SPIRE1: variants seen among roughly 807,000 people sequenced by gnomAD.
The protein encoded by SPIRE1 is spire type actin nucleation factor 1.
SPIRE1 carries 40 observed loss-of-function variants against 94.1 expected under a neutral mutation model. The ratio of observed to expected loss-of-function variants is 0.43; its 90% CI spans 0.33 to 0.55. The LOEUF (loss-of-function observed/expected upper bound fraction) is 0.55. Ranked by LOEUF, SPIRE1 falls within the 20% of genes least tolerant of loss-of-function variation. The pLI, the probability that SPIRE1 is intolerant of heterozygous loss-of-function variation, is 0.06. For missense variants in SPIRE1, 838 were observed against 975.2 expected (o/e 0.86, Z 1.87); for synonymous variants, 376 against 371.7 (o/e 1.01, Z -0.13).
intron 4 of SPIRE1, among the ~76,000 whole-genome samples, chr18:12,529,000 T>C (rs2034605150): frequency 6.6e-6 from 1 of 152,150 alleles, no homozygotes; most frequent in Non-Finnish European, 1.5e-5. Context: ...CATCAATGAA[T>C]AAGAAAAGAG....
At chr18:12,545,358 T>C (rs1028570028) in intron 3 of SPIRE1, among the ~76,000 whole-genome samples, 13 of 152,180 alleles carry the variant, frequency 8.5e-5, no homozygotes, top group African/African-American at 3.1e-4. Context: ...GTATAGTTCT[T>C]TCCAGAGTCC....
intron 6 of SPIRE1, among the ~76,000 whole-genome samples, chr18:12,505,305 G>C (rs1431589675): frequency 6.6e-6 from 1 of 152,158 alleles, no homozygotes; most frequent in Non-Finnish European, 1.5e-5. Context: ...AGCACTTTGG[G>C]AGGCGGAGGC....
chr18:12,609,844 C>A (rs1213741461), intron 2 of SPIRE1, among the ~76,000 whole-genome samples: 1 of 151,792 alleles, frequency 6.6e-6, no homozygotes, highest in African/African-American at 2.4e-5. Flanking sequence ...CTCCCCACCT[C>A]TTGAGAGGCT....
intron 4 of SPIRE1, among the ~76,000 whole-genome samples, chr18:12,533,907 T>C (rs1423418713): frequency 6.7e-6 from 1 of 150,242 alleles, no homozygotes; most frequent in Non-Finnish European, 1.5e-5. Flanking sequence ...CCTCTGGTTC[T>C]GCTCAATGAG....
intron 2 of SPIRE1, among the ~76,000 whole-genome samples, chr18:12,592,553 C>T (rs373350956): frequency 3.7e-4 from 56 of 152,272 alleles, no homozygotes; most frequent in African/African-American, 1.0e-3. Context: ...ACAGCTCACC[C>T]GTGGTAAACT....
At chr18:12,647,230 T>G (rs1313443585) in intron 1 of SPIRE1, among the ~76,000 whole-genome samples, 1 of 152,182 alleles carries the variant, frequency 6.6e-6, no homozygotes. Context: ...TACAATCACT[T>G]TGGAAAATTT....
At chr18:12,505,777 G>A (rs776242827) in intron 6 of SPIRE1, among the ~76,000 whole-genome samples, 10 of 152,034 alleles carry the variant, frequency 6.6e-5, no homozygotes, top group Admixed American at 2.0e-4. Flanking sequence ...AATAAACTCC[G>A]GAATAGCCAT....
intron 10 of SPIRE1, among the ~76,000 whole-genome samples, chr18:12,476,618 CACACATATATAT>C (rs2032611080): frequency 1.5e-5 from 2 of 132,070 alleles, no homozygotes; most frequent in Admixed American, 1.6e-4. Flanking sequence ...CATATATACA[CACACATATATAT>C]ACACATATAT....
intron 10 of SPIRE1, among the ~76,000 whole-genome samples, chr18:12,475,369 G>A (rs370212698): frequency 3.3e-5 from 5 of 152,106 alleles, no homozygotes; most frequent in Non-Finnish European, 5.9e-5. Context: ...CTAAGCACTT[G>A]GAATGATTCT....
intron 5 of SPIRE1, among the ~76,000 whole-genome samples, chr18:12,509,848 C>G (rs748812287): frequency 6.6e-5 from 10 of 151,996 alleles, no homozygotes; most frequent in Non-Finnish European, 1.2e-4. Flanking sequence ...TTTGGGAGGC[C>G]AAGGCGGGCG....
At chr18:12,634,470 C>T (rs1457216921) in intron 2 of SPIRE1, among the ~76,000 whole-genome samples, 1 of 151,758 alleles carries the variant, frequency 6.6e-6, no homozygotes, top group Non-Finnish European at 1.5e-5. Context: ...TTACTAAGAG[C>T]TCTGGATCTT....
chr18:12,474,260 C>G lies in SPIRE1; in HGVS notation c.1404+5439G>C, dbSNP rs1482293330. 5.3e-5 allele frequency among the ~76,000 whole-genome samples: 8 copies of G among 152,292 alleles called. No individual in the cohort carries two copies. In the East Asian group the frequency reaches 1.3e-3, roughly 26 times the overall value. ...TGTGGGCTTCATTACAGAGAGTGGA[C>G]AAAGAGGCTCATGCAAGGGGCAGCA... On this transcript the variant is annotated intron_variant, in intron 10 of 16. Transcript: ENST00000409402.
At position 12,447,944 on chromosome 18, in the gene SPIRE1, A is replaced by C. The variant is rs2031025676; in HGVS notation, c.*1694T>G. On this transcript the variant is annotated 3_prime_UTR_variant, in exon 17 of 17. Transcript: ENST00000409402. ...TCCCACCTAACTGTCTGGAGTATAG[A>C]GTTCAGATAGTCTCTTAGGAAGTTT... is the stretch of plus-strand genomic sequence containing the variant. 6.6e-6 allele frequency: 1 copy of C among 152,170 alleles called. No individual in the cohort carries two copies. Among genetic ancestry groups the C allele is most frequent in the Admixed American group, 6.6e-5 (1 of 15,262 alleles). The allele number at this position is 152,170 out of a possible 1,614,324, so 9.4% of individuals were successfully genotyped here.
rs1598545163 is a variant in SPIRE1 at position 12,621,850 on chromosome 18, A to T, written c.372+13212T>A. 2.0e-5 allele frequency among the ~76,000 whole-genome samples: 3 copies of T among 152,362 alleles called. No homozygotes were observed. In the East Asian group the frequency reaches 5.8e-4, roughly 29 times the overall value. ...ATGCTTTGTGAATTATATCCTAAAAAAATTATTTTTAAAAAAATTAGAAAC... is the reference window on the plus strand; with the variant it reads ...ATGCTTTGTGAATTATATCCTAAAATAATTATTTTTAAAAAAATTAGAAAC... On this transcript the variant is annotated intron_variant, in intron 2 of 16. Transcript: ENST00000409402.
chr18:12,645,299 T>C (rs997850466), intron 1 of SPIRE1, among the ~76,000 whole-genome samples: 1 of 152,184 alleles, frequency 6.6e-6, no homozygotes, highest in African/African-American at 2.4e-5. Flanking sequence ...GCAAAGGAGC[T>C]TGGTGGGAAT....
intron 8 of SPIRE1, 56 bp downstream of exon 8, chr18:12,493,014 TAA>T: frequency 6.5e-7 from 1 of 1,534,900 alleles, no homozygotes; most frequent in Non-Finnish European, 8.7e-7. Flanking sequence ...GCTGGGTGTA[TAA>T]AGATCCTTTT....
At chr18:12,497,938 A>G (rs902424955) in intron 6 of SPIRE1, among the ~76,000 whole-genome samples, 1 of 152,194 alleles carries the variant, frequency 6.6e-6, no homozygotes, top group African/African-American at 2.4e-5. Context: ...TAGTCTCCTC[A>G]GTAGTCAGAA....
intron 1 of SPIRE1, among the ~76,000 whole-genome samples, chr18:12,635,434 T>A (rs1422464202): frequency 6.6e-6 from 1 of 152,184 alleles, no homozygotes; most frequent in African/African-American, 2.4e-5. Context: ...TTAAAATACT[T>A]TAAAGGTATT....
chr18:12,523,468 A>G (rs992738636), intron 4 of SPIRE1, among the ~76,000 whole-genome samples: 1 of 152,210 alleles, frequency 6.6e-6, no homozygotes, highest in African/African-American at 2.4e-5. Flanking sequence ...TTTTGAAAGA[A>G]GTTCTACTGT....
Sources: gnomAD v4.1 joint callset for allele counts (sites outside exome capture counted in the v4.1 genomes callset) on GRCh38, gnomAD v4.1.1 for gene constraint, MANE v1.5 for transcripts, NCBI Gene and HGNC (gene_info 2026-07-23, HGNC 2026-07-21) for gene names.